The following PLCB1 variants were observed in gnomAD, a reference collection of about 807,000 sequenced individuals.
PLCB1 encodes phospholipase C beta 1.
A neutral mutation model predicts 161.8 loss-of-function variants in PLCB1; 46 were observed. The ratio of observed to expected loss-of-function variants is 0.28; its 90% CI spans 0.22 to 0.36. The LOEUF is 0.36. Among genes scored for constraint, PLCB1 ranks in the 10% least tolerant of loss-of-function variants. The pLI, the probability that PLCB1 is intolerant of heterozygous loss-of-function variation, is 1.00. For synonymous variants in PLCB1, 517 were observed against 503.7 expected (o/e 1.03, Z -0.35); for missense variants, 1,016 against 1,472.5 (o/e 0.69, Z 5.07).
At chr20:8,821,569 C>A (rs1985421445) in intron 31 of PLCB1, among the ~76,000 whole-genome samples, 6 of 125,456 alleles carry the variant, frequency 4.8e-5, no homozygotes, top group African/African-American at 1.4e-4. Flanking sequence ...TTAAATGACA[C>A]TTTTAAAAAT....
intron 1 of PLCB1, among the ~76,000 whole-genome samples, chr20:8,149,267 C>T (rs60650470): frequency 0.043 from 6,570 of 152,134 alleles, 182 homozygotes; most frequent in South Asian, 0.12. Flanking sequence ...ATGATTATTC[C>T]CTTCTTTTTT....
intron 3 of PLCB1, among the ~76,000 whole-genome samples, chr20:8,379,438 A>T (rs549132644): frequency 1.1e-4 from 16 of 152,322 alleles, no homozygotes; most frequent in Middle Eastern, 3.4e-3. Context: ...TTATAATAGA[A>T]TGACTTATAT....
intron 9 of PLCB1, among the ~76,000 whole-genome samples, chr20:8,664,072 A>G (rs981876093): frequency 6.6e-6 from 1 of 152,160 alleles, no homozygotes; most frequent in Admixed American, 6.6e-5. Context: ...AAAAGAAAGC[A>G]GTAATTTTTT....
At chr20:8,845,369 G>T (rs183130738) in intron 31 of PLCB1, among the ~76,000 whole-genome samples, 1 of 152,146 alleles carries the variant, frequency 6.6e-6, no homozygotes, top group Non-Finnish European at 1.5e-5. Context: ...CAAATACATT[G>T]ATCTCTTTAT....
At chr20:8,201,553 T>G (rs1374797050) in intron 2 of PLCB1, among the ~76,000 whole-genome samples, 1 of 152,152 alleles carries the variant, frequency 6.6e-6, no homozygotes, top group Non-Finnish European at 1.5e-5. Flanking sequence ...AACATTATGA[T>G]TTGGTACTTA....
chr20:8,375,064 GA>G (rs1459001195), intron 3 of PLCB1, among the ~76,000 whole-genome samples: 9 of 152,140 alleles, frequency 5.9e-5, no homozygotes, highest in South Asian at 2.1e-4. Flanking sequence ...TGAAATTCCA[GA>G]TCTTCTTTTC....
chr20:8,733,416 T>A, intron 19 of PLCB1, 24 bp downstream of exon 19: 1 of 1,606,936 alleles, frequency 6.2e-7, no homozygotes, highest in East Asian at 2.2e-5. Context: ...ATCACAAAAT[T>A]GTTCCTAACA....
chr20:8,245,707 C>G (rs1027299517), intron 2 of PLCB1, among the ~76,000 whole-genome samples: 1 of 151,832 alleles, frequency 6.6e-6, no homozygotes, highest in Non-Finnish European at 1.5e-5. Context: ...ATCAAAAAGA[C>G]TATATGTAAG....
chr20:8,569,654 C>T (rs918368445), intron 3 of PLCB1, among the ~76,000 whole-genome samples: 4 of 152,100 alleles, frequency 2.6e-5, no homozygotes, highest in African/African-American at 9.7e-5. Flanking sequence ...TGTATGCAAT[C>T]ACTGATATTT....
At chr20:8,578,608 A>G (rs1986746995) in intron 3 of PLCB1, among the ~76,000 whole-genome samples, 1 of 152,260 alleles carries the variant, frequency 6.6e-6, no homozygotes, top group Non-Finnish European at 1.5e-5. Flanking sequence ...TATCCAGAGT[A>G]CAGACGATAG....
At chr20:8,762,510 G>T (rs996481965) in intron 25 of PLCB1, among the ~76,000 whole-genome samples, 6 of 152,306 alleles carry the variant, frequency 3.9e-5, no homozygotes, top group Admixed American at 2.0e-4. Flanking sequence ...TCGTAGGTTA[G>T]AACATCTAGA....
intron 9 of PLCB1, among the ~76,000 whole-genome samples, chr20:8,673,113 A>AAAATAAATAAAT (rs145820624): frequency 1.2e-4 from 17 of 146,896 alleles, no homozygotes; most frequent in Admixed American, 4.8e-4. Flanking sequence ...GTCCATCCCA[A>AAAATAAATAAAT]AAATAAATAA....
intron 2 of PLCB1, among the ~76,000 whole-genome samples, chr20:8,233,071 A>T (rs6055684): frequency 3.3e-5 from 5 of 152,290 alleles, no homozygotes; most frequent in South Asian, 4.1e-4. Context: ...TAACTCAACC[A>T]TATGGCCAGT....
At chr20:8,450,703 C>T (rs192028434) in intron 3 of PLCB1, among the ~76,000 whole-genome samples, 135 of 152,268 alleles carry the variant, frequency 8.9e-4, no homozygotes, top group Admixed American at 3.6e-3. Flanking sequence ...AGGCATCTAT[C>T]GGTGATTGTA....
At chr20:8,368,401 G>A (rs1222716927) in intron 2 of PLCB1, among the ~76,000 whole-genome samples, 1 of 151,586 alleles carries the variant, frequency 6.6e-6, no homozygotes. Context: ...TGTGGTGTGT[G>A]CCTGTAATTT....
At chr20:8,608,365 T>C (rs774692286) in intron 3 of PLCB1, among the ~76,000 whole-genome samples, 10 of 152,254 alleles carry the variant, frequency 6.6e-5, no homozygotes, top group Admixed American at 3.3e-4. Flanking sequence ...TACCATGTGG[T>C]TGATAAACAA....
intron 3 of PLCB1, among the ~76,000 whole-genome samples, chr20:8,554,405 A>G (rs1211150040): frequency 6.6e-6 from 1 of 152,162 alleles, no homozygotes; most frequent in Non-Finnish European, 1.5e-5. Flanking sequence ...TAATCACATA[A>G]TGGAATACTA....
intron 31 of PLCB1, among the ~76,000 whole-genome samples, chr20:8,801,807 TAAC>T (rs1165372051): frequency 2.0e-5 from 3 of 152,186 alleles, no homozygotes; most frequent in Non-Finnish European, 4.4e-5. Context: ...TGATCATTTT[TAAC>T]AACTAATTTT....
chr20:8,381,061 A>G (rs1268761057), intron 3 of PLCB1, among the ~76,000 whole-genome samples: 4 of 152,170 alleles, frequency 2.6e-5, no homozygotes, highest in Admixed American at 1.3e-4. Flanking sequence ...CCCATTCAAT[A>G]TAATATTGGC....
Sources: gnomAD v4.1 joint callset for allele counts (sites outside exome capture counted in the v4.1 genomes callset) on GRCh38, gnomAD v4.1.1 for gene constraint, MANE v1.5 for transcripts, NCBI Gene and HGNC (gene_info 2026-07-23, HGNC 2026-07-21) for gene names.